Variants in ZNF280B observed in about 807,000 individuals in gnomAD.
ZNF280B encodes zinc finger protein 280B.
A neutral mutation model predicts 38.0 loss-of-function variants in ZNF280B; 16 were observed. The observed-to-expected ratio is 0.42, with a 90% CI of 0.28 to 0.64. The LOEUF is 0.64. ZNF280B is among the 30% of genes least tolerant of loss of function. The pLI is 0.21. For synonymous variants in ZNF280B, 253 were observed against 230.6 expected (o/e 1.10, Z -0.88); for missense variants, 581 against 639.6 (o/e 0.91, Z 0.99).
At chr22:22,497,205 C>T (rs1361913858) in intron 2 of ZNF280B, among the ~76,000 whole-genome samples, 2 of 88,382 alleles carry the variant, frequency 2.3e-5, no homozygotes, top group Admixed American at 3.9e-4. Flanking sequence ...TGGTCTCCAT[C>T]TTTAAAAAAA....
In ZNF280B at chr22:22,487,982, T is replaced by C. The variant is rs1372092715; in HGVS notation, c.1417A>G (p.Lys473Glu). The part of the protein sequence containing the change: ...SKCRLQFLTF[K>E]EKMEHKTQCH... ...TGGGTCTTGTGCTCCATTTTCTCCT[T>C]GAAAGTTAAAAACTGTAGCCGGCAC... Residue 473 changes from lysine to glutamate, a missense_variant, in exon 4 of 4, where the codon AAG becomes GAG. Transcript: ENST00000626650. 1.2e-6 allele frequency: 2 copies of C among 1,613,658 alleles called. No homozygotes were observed. Among genetic ancestry groups the C allele is most frequent in the Admixed American group, 1.7e-5 (1 of 59,924 alleles).
chr22:22,489,460 C>G lies in ZNF280B; in HGVS notation c.-62G>C. 7.0e-7 allele frequency: 1 copy of G among 1,424,812 alleles called. No homozygotes were observed. Among genetic ancestry groups the G allele is most frequent in the Non-Finnish European group, 9.5e-7 (1 of 1,054,194 alleles). 88.3% of individuals were successfully genotyped at this position (1,424,812 alleles called of 1,614,324 possible). On this transcript the variant is annotated 5_prime_UTR_variant, in exon 4 of 4. Coordinates refer to ENST00000626650, the MANE Select transcript of ZNF280B (RefSeq NM_080764.4). ...AGTCCCAATGCTTCCTTTATATAAACTGCCACCTAAGTACAAACATACATC... is the reference window on the plus strand; with the variant it reads ...AGTCCCAATGCTTCCTTTATATAAAGTGCCACCTAAGTACAAACATACATC...
At chr22:22,506,861 C>T (rs1296095717) in intron 2 of ZNF280B, among the ~76,000 whole-genome samples, 6 of 151,906 alleles carry the variant, frequency 3.9e-5, no homozygotes, top group Non-Finnish European at 7.4e-5. Flanking sequence ...TAAATGGTTG[C>T]GGTGGCCATC....
chr22:22,498,793 CTTT>C (rs60940298), intron 2 of ZNF280B, among the ~76,000 whole-genome samples: 1 of 83,652 alleles, frequency 1.2e-5, no homozygotes. Context: ...GGCCAATATC[CTTT>C]TTTTTTTTTT....
intron 3 of ZNF280B, among the ~76,000 whole-genome samples, chr22:22,492,585 C>T (rs920238251): frequency 4.6e-5 from 7 of 151,916 alleles, no homozygotes; most frequent in African/African-American, 9.7e-5. Flanking sequence ...TTTCTAACAT[C>T]CTCTCTAAAG....
chr22:22,488,985 A>C lies in ZNF280B; in HGVS notation c.414T>G (p.Ser138=). 1.2e-6 allele frequency: 2 copies of C among 1,613,878 alleles called. No homozygotes were observed. The change falls in exon 4 of 4, where the codon TCT becomes TCG. Residue 138 remains serine, a synonymous_variant. Transcript: ENST00000626650. The part of the protein sequence containing the change: ...NSSPQVVPNN[S]SELPSPLITF... The stretch of plus-strand genomic sequence containing the variant: ...TAATCAAAGGAGAAGGTAATTCTGA[A>C]GAGTTATTAGGCACAACTTGTGGTG...
At chr22:22,497,577 A>G (rs1335303475) in intron 2 of ZNF280B, among the ~76,000 whole-genome samples, 2 of 151,832 alleles carry the variant, frequency 1.3e-5, no homozygotes, top group African/African-American at 4.8e-5. Flanking sequence ...AGAATGATGT[A>G]AAGAGGGGTT....
chr22:22,501,321 C>A (rs747888569), intron 2 of ZNF280B, among the ~76,000 whole-genome samples: 32 of 151,664 alleles, frequency 2.1e-4, no homozygotes, highest in Non-Finnish European at 3.1e-4. Flanking sequence ...TCCCAGCACT[C>A]TGGGAGGCCA....
At chr22:22,503,280 G>A (rs1414773189) in intron 2 of ZNF280B, among the ~76,000 whole-genome samples, 2 of 151,968 alleles carry the variant, frequency 1.3e-5, no homozygotes, top group African/African-American at 4.8e-5. Context: ...TAGAGTTGAT[G>A]AAATGTCTTG....
chr22:22,490,005 G>A (rs1022853179), intron 3 of ZNF280B, among the ~76,000 whole-genome samples: 3 of 151,856 alleles, frequency 2.0e-5, no homozygotes, highest in Admixed American at 1.3e-4. Context: ...TATCTCAATT[G>A]ATTCATATAT....
Position 22,489,338 on chromosome 22 carries a change from T to C in ZNF280B, c.61A>G (p.Lys21Glu). The change falls in exon 4 of 4, where the codon AAA (lysine) becomes GAA (glutamate). Residue 21 changes from lysine to glutamate, a missense_variant. Coordinates refer to ENST00000626650, the MANE Select transcript of ZNF280B (RefSeq NM_080764.4). The stretch of plus-strand genomic sequence containing the variant: ...TCAGCATCTTCGTCATCTACTTGTT[T>C]GGTTTCTTGTATGTTCTTCTGTGGT... ...PEPQKNIQET[K>E]QVDDEDAELI... The C allele has an allele frequency of 6.2e-7, 1 of 1,613,654 alleles. No individual in the cohort carries two copies. Among genetic ancestry groups the C allele is most frequent in the Non-Finnish European group, 8.5e-7 (1 of 1,179,922 alleles).
rs551924404 is a variant in ZNF280B at position 22,492,615 on chromosome 22, G to A, written c.-69+1448C>T. 2.2e-3 allele frequency among the ~76,000 whole-genome samples: 332 copies of A among 151,920 alleles called. 4 individuals are homozygous for A. Among genetic ancestry groups the A allele is most frequent in the Non-Finnish European group, 3.1e-3 (209 of 67,972 alleles). On this transcript the variant is annotated intron_variant, in intron 3 of 3. Transcript: ENST00000626650. ...CTAAAGAAAATATCTGGCTGGGCACGGTGGCTCATGCCTGTAATCCCAGCA... is the reference window on the plus strand; with the variant it reads ...CTAAAGAAAATATCTGGCTGGGCACAGTGGCTCATGCCTGTAATCCCAGCA...
intron 2 of ZNF280B, among the ~76,000 whole-genome samples, chr22:22,498,092 A>C (rs2061737555): frequency 6.6e-6 from 1 of 152,036 alleles, no homozygotes; most frequent in African/African-American, 2.4e-5. Context: ...ATGTAAAAGA[A>C]GTCAGTGACA....
chr22:22,487,529 C>CAG lies in ZNF280B; in HGVS notation c.*237_*238insCT. The stretch of plus-strand genomic sequence containing the variant: ...TTTTTCTCTCTCTCACACACACACA[C>CAG]AAACACCTTTTATGTGTTAAGCCAG... On this transcript the variant is annotated 3_prime_UTR_variant, in exon 4 of 4. Transcript: ENST00000626650. 2.8e-6 allele frequency: 1 copy of CAG among 353,528 alleles called. No individual in the cohort carries two copies. Among genetic ancestry groups the CAG allele is most frequent in the Non-Finnish European group, 5.0e-6 (1 of 201,348 alleles). The allele number at this position is 353,528 out of a possible 1,614,324, so 21.9% of individuals were successfully genotyped here. A position where few individuals can be genotyped will look rare whatever the true frequency, so the allele number is the denominator to read the frequency against.
chr22:22,508,217 A>G (rs1051923988), intron 1 of ZNF280B, among the ~76,000 whole-genome samples: 2 of 151,884 alleles, frequency 1.3e-5, no homozygotes, highest in African/African-American at 2.4e-5. Context: ...ATACATTCAA[A>G]TGCCTTAAGG....
chr22:22,502,403 T>C (rs1292145909), intron 2 of ZNF280B, among the ~76,000 whole-genome samples: 1 of 151,966 alleles, frequency 6.6e-6, no homozygotes, highest in Non-Finnish European at 1.5e-5. Context: ...AATTTAAATA[T>C]GGCGTTACCA....
intron 2 of ZNF280B, among the ~76,000 whole-genome samples, chr22:22,499,190 G>A (rs77561430): frequency 1.3e-5 from 2 of 151,718 alleles, no homozygotes; most frequent in East Asian, 3.9e-4. Flanking sequence ...GACCAAGTGG[G>A]ATTTATTTAA....
chr22:22,495,238 G>T (rs147695864), intron 2 of ZNF280B, among the ~76,000 whole-genome samples: 1,588 of 152,006 alleles, frequency 0.01, 12 homozygotes, highest in South Asian at 0.026. Flanking sequence ...TCCCACATTT[G>T]AACATTTTCC....
At chr22:22,504,742 T>G (rs1569186106) in intron 2 of ZNF280B, among the ~76,000 whole-genome samples, 1 of 151,872 alleles carries the variant, frequency 6.6e-6, no homozygotes, top group African/African-American at 2.4e-5. Flanking sequence ...CACAAAAAAC[T>G]AAGAGAGAAA....
Sources: gnomAD v4.1 joint callset for allele counts (sites outside exome capture counted in the v4.1 genomes callset) on GRCh38, gnomAD v4.1.1 for gene constraint, MANE v1.5 for transcripts, NCBI Gene and HGNC (gene_info 2026-07-23, HGNC 2026-07-21) for gene names.